The following SGIP1 variants were observed in gnomAD, a reference collection of about 807,000 sequenced individuals.
SGIP1 encodes the protein SH3-containing GRB2-like protein 3-interacting protein 1.
SGIP1 carries 38 observed loss-of-function variants against 107.5 expected under a neutral mutation model. The ratio of observed to expected loss-of-function variants is 0.35; its 90% confidence interval spans 0.27 to 0.46. The LOEUF is 0.46. Among genes scored for constraint, SGIP1 ranks in the 20% least tolerant of loss-of-function variants. SGIP1 has a pLI of 1.00. For missense variants in SGIP1, 929 were observed against 1,019.5 expected (o/e 0.91, Z 1.21); for synonymous variants, 365 against 366.1 (o/e 1.00, Z 0.03).
In SGIP1 at chr1:66,744,935, A is replaced by G. The variant is rs1286034537; in HGVS notation, c.*1840A>G. The G allele has an allele frequency of 2.0e-5, 3 of 152,510 alleles. No individual in the cohort carries two copies. The highest frequency in any genetic ancestry group is 4.4e-5 in the Non-Finnish European group (3 of 67,920). The allele number at this position is 152,510 out of a possible 1,614,324, so 9.4% of individuals were successfully genotyped here. A position where few individuals can be genotyped will look rare whatever the true frequency, so the allele number is the denominator to read the frequency against. ...TGCAAAATTCTAAATTCCATGAAAC[A>G]TGGAATTTATGACACCAAAATCAAT... On this transcript the variant is annotated 3_prime_UTR_variant, in exon 25 of 25. Transcript: ENST00000371037.
intron 17 of SGIP1, among the ~76,000 whole-genome samples, chr1:66,693,747 C>A (rs2090340447): frequency 6.6e-6 from 1 of 152,144 alleles, no homozygotes; most frequent in Non-Finnish European, 1.5e-5. Context: ...TGGTTAAAGT[C>A]CAGAGCACCA....
chr1:66,547,242 GA>G (rs2056576801), intron 1 of SGIP1, among the ~76,000 whole-genome samples: 1 of 151,870 alleles, frequency 6.6e-6, no homozygotes, highest in African/African-American at 2.4e-5. Flanking sequence ...TTGGATACCA[GA>G]AGATAAGCAC....
intron 1 of SGIP1, among the ~76,000 whole-genome samples, chr1:66,553,037 C>T (rs1484529994): frequency 2.0e-5 from 3 of 152,130 alleles, no homozygotes; most frequent in African/African-American, 7.2e-5. Context: ...TTTCTCTTAA[C>T]TCTTGCACTT....
intron 15 of SGIP1, among the ~76,000 whole-genome samples, chr1:66,686,525 T>C (rs981121517): frequency 1.3e-5 from 2 of 152,212 alleles, no homozygotes; most frequent in African/African-American, 4.8e-5. Context: ...AGGATAGAGA[T>C]GTGCAAATGA....
intron 3 of SGIP1, 90 bp downstream of exon 3, chr1:66,633,184 G>A: frequency 1.2e-6 from 1 of 837,808 alleles, no homozygotes. Context: ...TTCCTGTAGG[G>A]AAAAAAATAG....
chr1:66,564,938 T>G (rs962287786), intron 1 of SGIP1, among the ~76,000 whole-genome samples: 7 of 151,986 alleles, frequency 4.6e-5, no homozygotes, highest in Admixed American at 4.6e-4. Flanking sequence ...TAACACTTCT[T>G]ACAATAACCC....
intron 7 of SGIP1, among the ~76,000 whole-genome samples, chr1:66,650,192 T>A (rs1036581071): frequency 1.3e-5 from 2 of 152,210 alleles, no homozygotes; most frequent in Non-Finnish European, 2.9e-5. Flanking sequence ...AAGGTGTTTT[T>A]TGTGATGCCT....
intron 2 of SGIP1, among the ~76,000 whole-genome samples, chr1:66,631,871 C>T (rs958412225): frequency 1.3e-5 from 2 of 152,168 alleles, no homozygotes; most frequent in Non-Finnish European, 2.9e-5. Flanking sequence ...AATAATGAGG[C>T]TCCCTTTCGA....
At position 66,612,706 on chromosome 1, in the gene SGIP1, G is replaced by T. The variant is rs558072718; in HGVS notation, c.11-13141G>T. 1.3e-4 allele frequency among the ~76,000 whole-genome samples: 20 copies of T among 152,164 alleles called. No homozygotes were observed. In the South Asian group the frequency reaches 2.9e-3, roughly 22 times the overall value. The stretch of plus-strand genomic sequence containing the variant: ...CTTGAGAGATTAAATGATTTTTTTT[G>T]ATATTACACAGTTAGTGGTAAAGCT... On this transcript the variant is annotated intron_variant, in intron 1 of 24. Transcript: ENST00000371037.
intron 7 of SGIP1, chr1:66,660,015 A>AAGGAAGGAAGGAAGGAAGG (rs2080774395): frequency 8.5e-5 from 4 of 47,316 alleles, no homozygotes; most frequent in African/African-American, 5.4e-4. Context: ...AGACAGACAG[A>AAGGAAGGAAGGAAGGAAGG]CAGGAAGGAA....
chr1:66,695,191 C>A, intron 17 of SGIP1: 5 of 735,518 alleles, frequency 6.8e-6, no homozygotes, highest in Non-Finnish European at 1.0e-5. Flanking sequence ...TATCAAGCGA[C>A]CACCAACACA....
intron 1 of SGIP1, among the ~76,000 whole-genome samples, chr1:66,580,719 A>T (rs1278870697): frequency 1.3e-5 from 2 of 152,050 alleles, no homozygotes; most frequent in African/African-American, 4.8e-5. Flanking sequence ...AATTATTTTT[A>T]TCTTCAATAT....
At chr1:66,676,885 T>C (rs2085496557) in intron 12 of SGIP1, 119 bp from the exon 13 acceptor site, 2 of 723,100 alleles carry the variant, frequency 2.8e-6, no homozygotes, top group South Asian at 1.9e-5. Flanking sequence ...GTTAATTTTT[T>C]AGTACTGAGA....
At position 66,750,356 on chromosome 1, in the gene SGIP1, T is replaced by C. The variant is rs1474621122; in HGVS notation, c.*7261T>C. On this transcript the variant is annotated 3_prime_UTR_variant, in exon 25 of 25. Transcript: ENST00000371037. ...AGTGGCCATGTAAGGCATTGATTTT[T>C]TTTAAACTTGAACAATGCAAGAATC... 6.6e-6 allele frequency among the ~76,000 whole-genome samples: 1 copy of C among 152,202 alleles called. No individual in the cohort carries two copies. The highest frequency in any genetic ancestry group is 1.5e-5 in the Non-Finnish European group (1 of 68,030).
chr1:66,644,012 A>AT, intron 7 of SGIP1: 1 of 179,422 alleles, frequency 5.6e-6, no homozygotes, highest in Non-Finnish European at 1.2e-5. Context: ...ATTATCCAGA[A>AT]TTATCTCTCA....
At chr1:66,700,747 C>T (rs984431363) in intron 18 of SGIP1, among the ~76,000 whole-genome samples, 6 of 151,786 alleles carry the variant, frequency 4.0e-5, no homozygotes, top group Admixed American at 1.3e-4. Flanking sequence ...CCCTATTTAC[C>T]ATACAGTGCT....
intron 1 of SGIP1, among the ~76,000 whole-genome samples, chr1:66,565,644 C>G (rs17129103): frequency 0.017 from 2,560 of 151,956 alleles, 66 homozygotes; most frequent in African/African-American, 0.059. Flanking sequence ...AAAAGACTTT[C>G]TGAAATTTGG....
chr1:66,744,928 A>G lies in SGIP1; in HGVS notation c.*1833A>G, dbSNP rs1035006672. On this transcript the variant is annotated 3_prime_UTR_variant, in exon 25 of 25. Coordinates refer to ENST00000371037, the MANE Select transcript of SGIP1 (RefSeq NM_032291.4). ...TAGAAAATGCAAAATTCTAAATTCC[A>G]TGAAACATGGAATTTATGACACCAA... 3 of 152,490 alleles carry G rather than the reference A, an allele frequency of 2.0e-5. No individual in the cohort carries two copies. The highest frequency in any genetic ancestry group is 4.4e-5 in the Non-Finnish European group (3 of 67,922). The allele number at this position is 152,490 out of a possible 1,614,324, so 9.4% of individuals were successfully genotyped here.
At chr1:66,576,402 G>C (rs552567658) in intron 1 of SGIP1, among the ~76,000 whole-genome samples, 1 of 152,248 alleles carries the variant, frequency 6.6e-6, no homozygotes, top group South Asian at 2.1e-4. Flanking sequence ...TCAAAGTCTG[G>C]CTGAGCCGCA....
Sources: gnomAD v4.1 joint callset for allele counts (sites outside exome capture counted in the v4.1 genomes callset) on GRCh38, gnomAD v4.1.1 for gene constraint, MANE v1.5 for transcripts, NCBI Gene and HGNC (gene_info 2026-07-23, HGNC 2026-07-21) for gene names.